CDK17: variants seen among roughly 807,000 people sequenced by gnomAD.
The protein encoded by CDK17 is cyclin dependent kinase 17.
Under a neutral mutation model 77.6 loss-of-function variants are expected in CDK17, and 24 were observed. The ratio of observed to expected loss-of-function variants is 0.31; its 90% confidence interval spans 0.22 to 0.44. The LOEUF (loss-of-function observed/expected upper bound fraction) is 0.44, where lower values mean the gene tolerates loss of function less well. CDK17 is among the 20% of genes least tolerant of loss of function. The probability of loss-of-function intolerance (pLI) is 1.00; values close to 1 mark genes in which losing one functional copy is unlikely to be tolerated. For synonymous variants in CDK17, 203 were observed against 210.4 expected, an observed-to-expected ratio of 0.96 and a Z score of 0.30; for missense variants, 429 against 622.5, an observed-to-expected ratio of 0.69 and a Z score of 3.31.
intron 1 of CDK17, chr12:96,399,369 G>C (rs1954221871): frequency 6.6e-6 from 1 of 152,348 alleles, no homozygotes; most frequent in African/African-American, 2.4e-5. Flanking sequence ...AACACTCCGG[G>C]GTGTGACCCG....
At chr12:96,391,583 G>C (rs34943694) in intron 1 of CDK17, among the ~76,000 whole-genome samples, 1 of 152,058 alleles carries the variant, frequency 6.6e-6, no homozygotes, top group Non-Finnish European at 1.5e-5. Context: ...GAGCCACCGC[G>C]GCAGGCCAGT....
intron 14 of CDK17, 148 bp downstream of exon 14, chr12:96,283,455 T>G (rs1238082870): frequency 1.5e-6 from 1 of 666,944 alleles, no homozygotes; most frequent in Non-Finnish European, 2.6e-6. Context: ...ATGTTTTTTT[T>G]TTTTTTTTTA....
At chr12:96,286,580 T>TA in intron 12 of CDK17, 84 bp downstream of exon 12, 1 of 918,370 alleles carries the variant, frequency 1.1e-6, no homozygotes, top group South Asian at 1.5e-5. Context: ...TATCTAATTT[T>TA]AAAATATGTA....
intron 2 of CDK17, among the ~76,000 whole-genome samples, chr12:96,329,061 T>C (rs1952931943): frequency 6.6e-6 from 1 of 152,146 alleles, no homozygotes; most frequent in Admixed American, 6.6e-5. Flanking sequence ...ACAAATATTA[T>C]ATGGTTCCAC....
intron 1 of CDK17, among the ~76,000 whole-genome samples, chr12:96,392,595 G>A (rs1041713195): frequency 2.0e-5 from 3 of 152,208 alleles, no homozygotes; most frequent in Non-Finnish European, 4.4e-5. Context: ...TAACAGAAAA[G>A]CGTAAGAAAG....
intron 10 of CDK17, among the ~76,000 whole-genome samples, chr12:96,294,080 G>C (rs1176374286): frequency 1.3e-5 from 2 of 152,152 alleles, no homozygotes; most frequent in Non-Finnish European, 2.9e-5. Context: ...CTAGTTCAAT[G>C]TGCACTCAAA....
chr12:96,348,335 G>A (rs1312206261), intron 1 of CDK17, among the ~76,000 whole-genome samples: 1 of 151,904 alleles, frequency 6.6e-6, no homozygotes, highest in East Asian at 1.9e-4. Flanking sequence ...GACCAGCCTA[G>A]CCAACATGGT....
At chr12:96,315,526 A>G (rs1264396976) in intron 3 of CDK17, among the ~76,000 whole-genome samples, 1 of 152,214 alleles carries the variant, frequency 6.6e-6, no homozygotes, top group African/African-American at 2.4e-5. Flanking sequence ...TTGGTATATA[A>G]CACATCTAAG....
At chr12:96,316,426 A>G (rs4474489) in intron 3 of CDK17, among the ~76,000 whole-genome samples, 120,142 of 141,108 alleles carry the variant, frequency 0.85, 51,678 homozygotes, top group Non-Finnish European at 0.87. Context: ...CAAAGCAGCC[A>G]CGAAGCTCGA....
intron 1 of CDK17, chr12:96,399,514 G>C (rs1157500904): frequency 6.6e-6 from 1 of 152,174 alleles, no homozygotes; most frequent in East Asian, 1.9e-4. Context: ...CCGCCTCCTC[G>C]CCCACCTCCC....
chr12:96,334,271 C>T (rs1055331330), intron 2 of CDK17, among the ~76,000 whole-genome samples: 1 of 152,172 alleles, frequency 6.6e-6, no homozygotes, highest in Non-Finnish European at 1.5e-5. Flanking sequence ...CTGGATACTA[C>T]TACTTTATGT....
intron 1 of CDK17, among the ~76,000 whole-genome samples, chr12:96,341,601 G>T (rs1420666092): frequency 4.6e-5 from 7 of 152,118 alleles, no homozygotes; most frequent in Non-Finnish European, 1.0e-4. Context: ...CTTGTTCTTG[G>T]ATTATCTGCT....
intron 9 of CDK17, 134 bp from the exon 10 acceptor site, chr12:96,295,256 TACA>T: frequency 1.7e-6 from 1 of 572,148 alleles, no homozygotes; most frequent in Non-Finnish European, 3.0e-6. Flanking sequence ...CATACTTAAG[TACA>T]ATGTCTTTTT....
At chr12:96,294,584 C>CAAAAAAAAAAAAAAA (rs11313631) in intron 10 of CDK17, among the ~76,000 whole-genome samples, 1 of 54,346 alleles carries the variant, frequency 1.8e-5, no homozygotes, top group Non-Finnish European at 3.1e-5. Context: ...ATGCTGTCTT[C>CAAAAAAAAAAAAAAA]AAAAAAAAAA....
intron 1 of CDK17, among the ~76,000 whole-genome samples, chr12:96,364,691 A>G (rs992142591): frequency 7.2e-5 from 11 of 152,328 alleles, no homozygotes; most frequent in African/African-American, 2.4e-4. Flanking sequence ...TACGGCACAT[A>G]CTACAGGAAA....
chr12:96,305,279 G>C (rs1240073241), intron 5 of CDK17, among the ~76,000 whole-genome samples: 2 of 152,166 alleles, frequency 1.3e-5, no homozygotes, highest in Non-Finnish European at 2.9e-5. Flanking sequence ...ATCCTGGAGG[G>C]AGTATCGGGA....
chr12:96,351,358 T>C (rs372148837), intron 1 of CDK17, among the ~76,000 whole-genome samples: 1 of 150,736 alleles, frequency 6.6e-6, no homozygotes, highest in Non-Finnish European at 1.5e-5. Context: ...AAACAGATAC[T>C]TGTACACCAA....
At chr12:96,330,375 T>C (rs1471991930) in intron 2 of CDK17, among the ~76,000 whole-genome samples, 1 of 152,148 alleles carries the variant, frequency 6.6e-6, no homozygotes, top group African/African-American at 2.4e-5. Flanking sequence ...TTTATTGAGA[T>C]GAAATTCTTA....
intron 3 of CDK17, among the ~76,000 whole-genome samples, chr12:96,315,716 A>G (rs905684228): frequency 2.6e-5 from 4 of 152,198 alleles, no homozygotes; most frequent in Admixed American, 2.6e-4. Context: ...AAGCAAAAAC[A>G]AAGAGAGGAC....
Sources: allele counts gnomAD v4.1 joint callset (sites outside exome capture counted in the v4.1 genomes callset), GRCh38; gene constraint gnomAD v4.1.1; transcripts MANE v1.5; gene names NCBI Gene and HGNC (gene_info 2026-07-23, HGNC 2026-07-21).